The following LRRC38 variants were observed in gnomAD, a reference collection of about 807,000 sequenced individuals.
LRRC38 encodes leucine rich repeat containing 38.
In LRRC38, 5 loss-of-function variants were observed where a neutral mutation model predicts 16.4. That is an observed-to-expected ratio of 0.31 (90% confidence interval 0.16 to 0.64). The LOEUF (loss-of-function observed/expected upper bound fraction) is 0.64. Among genes scored for constraint, LRRC38 ranks in the 30% least tolerant of loss-of-function variants. The pLI is 0.80. For synonymous variants in LRRC38, 191 were observed against 190.2 expected (o/e 1.00, Z -0.04); for missense variants, 341 against 401.8 (o/e 0.85, Z 1.29).
At chr1:13,491,749 C>A (rs2100504152) in intron 1 of LRRC38, among the ~76,000 whole-genome samples, 1 of 152,234 alleles carries the variant, frequency 6.6e-6, no homozygotes, top group South Asian at 2.1e-4. Context: ...CATCTCGGCT[C>A]ACTGCAACCT....
At chr1:13,492,423 G>A (rs778957332) in intron 1 of LRRC38, among the ~76,000 whole-genome samples, 3 of 152,024 alleles carry the variant, frequency 2.0e-5, no homozygotes, top group Non-Finnish European at 2.9e-5. Context: ...ATTTTTGGCC[G>A]GGTGCGGTGG....
intron 1 of LRRC38, among the ~76,000 whole-genome samples, chr1:13,504,091 GTC>G (rs761642609): frequency 4.6e-4 from 70 of 152,330 alleles, no homozygotes; most frequent in Non-Finnish European, 8.4e-4. Context: ...TACGTATCTG[GTC>G]TGTTTGGCCA....
intron 1 of LRRC38, among the ~76,000 whole-genome samples, chr1:13,503,091 A>G (rs908510961): frequency 6.6e-6 from 1 of 151,642 alleles, no homozygotes; most frequent in Admixed American, 6.6e-5. Context: ...GGAGCCTCAG[A>G]CTCTTTCATC....
Position 13,513,046 on chromosome 1 carries a change from A to T in LRRC38, c.548T>A (p.Leu183Gln). ...GTCGCACAGCCAGGGGTTCCCGTCC[A>T]GACGCAGGGAGCGCAGCGCGGGCAG... ...AALPALRSLR[L>Q]DGNPWLCDCD... is the part of the protein sequence containing the mutation. The change falls in exon 1 of 2, where the codon CTG (leucine) becomes CAG (glutamine). Residue 183 changes from leucine to glutamine, a missense_variant. Physicochemically the swap from Leu to Gln is moderately radical, Grantham distance 113. Transcript: ENST00000376085. 6.5e-7 allele frequency: 1 copy of T among 1,549,680 alleles called. No individual in the cohort carries two copies. Among genetic ancestry groups the T allele is most frequent in the Non-Finnish European group, 8.7e-7 (1 of 1,146,658 alleles).
intron 1 of LRRC38, among the ~76,000 whole-genome samples, chr1:13,494,741 C>T (rs1639061541): frequency 6.6e-6 from 1 of 152,124 alleles, no homozygotes; most frequent in South Asian, 2.1e-4. Context: ...CTCACTAGTT[C>T]GCTGTGCGGC....
At chr1:13,497,962 C>CAAAAAA (rs370605050) in intron 1 of LRRC38, among the ~76,000 whole-genome samples, 137 of 67,994 alleles carry the variant, frequency 2.0e-3, no homozygotes, top group African/African-American at 3.2e-3. Context: ...AACTCCATCA[C>CAAAAAA]AAAAAAAAAA....
chr1:13,484,621 T>C lies in LRRC38; in HGVS notation c.632-8522A>G, dbSNP rs114723614. 5.5e-3 allele frequency among the ~76,000 whole-genome samples: 836 copies of C among 152,292 alleles called. 8 individuals are homozygous for C. The highest frequency in any genetic ancestry group is 0.019 in the African/African-American group (793 of 41,564). ...TCCCCCAAATTCACCAGCAGGTAACTTGCAACTCTCTGGAGTAGAGAGAAG... is the reference window on the plus strand; with the variant it reads ...TCCCCCAAATTCACCAGCAGGTAACCTGCAACTCTCTGGAGTAGAGAGAAG... On this transcript the variant is annotated intron_variant, in intron 1 of 1. Coordinates refer to ENST00000376085, the MANE Select transcript of LRRC38 (RefSeq NM_001010847.2).
At chr1:13,493,878 T>C (rs576262309) in intron 1 of LRRC38, among the ~76,000 whole-genome samples, 4 of 152,168 alleles carry the variant, frequency 2.6e-5, no homozygotes, top group Non-Finnish European at 5.9e-5. Context: ...ACCTGCCCAA[T>C]ATGGTGAAAC....
rs185907871 is a variant in LRRC38 at position 13,480,332 on chromosome 1, C to T, written c.632-4233G>A. 9.9e-5 allele frequency among the ~76,000 whole-genome samples: 15 copies of T among 151,490 alleles called. No individual in the cohort carries two copies. In the East Asian group the frequency reaches 2.2e-3, roughly 22 times the overall value. On this transcript the variant is annotated intron_variant, in intron 1 of 1. Transcript: ENST00000376085. ...TGCACTCCAGCCTGGGTAATAAGAG[C>T]GAAACTCTGTCTAAAAAATAAACAA... is the stretch of plus-strand genomic sequence containing the variant.
Position 13,476,224 on chromosome 1 carries a change from A to G in LRRC38, c.632-125T>C, listed in dbSNP as rs190906692. 249 of 865,482 alleles carry G rather than the reference A, an allele frequency of 2.9e-4. 1 individual carries two copies. The East Asian group carries it at 6.3e-3, about 22-fold the overall frequency. 53.6% of individuals were successfully genotyped at this position (865,482 alleles called of 1,614,324 possible). A position where few individuals can be genotyped will look rare whatever the true frequency, so the allele number is the denominator to read the frequency against. ...CATCCTCCCAAAAATAAAAGGGGGG[A>G]AAAGGCTAATTTAAATGGAATTTAA... On this transcript the variant is annotated intron_variant, in intron 1 of 1. Coordinates refer to ENST00000376085, the MANE Select transcript of LRRC38 (RefSeq NM_001010847.2).
At chr1:13,499,147 A>G (rs1569931093) in intron 1 of LRRC38, among the ~76,000 whole-genome samples, 1 of 152,066 alleles carries the variant, frequency 6.6e-6, no homozygotes, top group African/African-American at 2.4e-5. Flanking sequence ...CCCAGGCTGG[A>G]GTACAGTGGC....
chr1:13,511,513 G>C (rs1415216031), intron 1 of LRRC38, among the ~76,000 whole-genome samples: 1 of 152,060 alleles, frequency 6.6e-6, no homozygotes, highest in Non-Finnish European at 1.5e-5. Context: ...CACAGCTCCT[G>C]ACTTCATAAA....
At chr1:13,483,571 A>G (rs1462718158) in intron 1 of LRRC38, among the ~76,000 whole-genome samples, 1 of 152,084 alleles carries the variant, frequency 6.6e-6, no homozygotes, top group Non-Finnish European at 1.5e-5. Flanking sequence ...GCTTCTGGAC[A>G]CCCTTGTCAG....
rs1368449724 is a variant in LRRC38, at chr1:13,487,293, A to G, written c.632-11194T>C. ...TGTCCTAACTGTCAGCCTTTGTCCC[A>G]CAGCCACAAATCATTTAACTGGGTC... On this transcript the variant is annotated intron_variant, in intron 1 of 1. Transcript: ENST00000376085. This position sits in a 1 kb window ranked among gnomAD's most constrained non-coding sequence, Gnocchi z 4.4. Among the ~76,000 whole-genome samples the G allele has an allele frequency of 1.3e-5, 2 of 152,188 alleles. No individual in the cohort carries two copies. Among genetic ancestry groups the G allele is most frequent in the African/African-American group, 4.8e-5 (2 of 41,440 alleles).
intron 1 of LRRC38, among the ~76,000 whole-genome samples, chr1:13,482,023 A>G (rs1345045344): frequency 6.6e-6 from 1 of 152,188 alleles, no homozygotes; most frequent in Non-Finnish European, 1.5e-5. Context: ...GTAACCTTCT[A>G]AGACAGGCCT....
chr1:13,491,218 C>T (rs1485874911), intron 1 of LRRC38, among the ~76,000 whole-genome samples: 1 of 152,248 alleles, frequency 6.6e-6, no homozygotes, highest in African/African-American at 2.4e-5. Flanking sequence ...ACGTCCCACA[C>T]TGCACAAGAC....
chr1:13,480,383 C>G (rs116046639), intron 1 of LRRC38, among the ~76,000 whole-genome samples: 3,330 of 152,300 alleles, frequency 0.022, 51 homozygotes, highest in Non-Finnish European at 0.034. Flanking sequence ...TGCTACGTGT[C>G]CCCTGGGTGG....
At chr1:13,496,662 T>C (rs164869) in intron 1 of LRRC38, among the ~76,000 whole-genome samples, 4,093 of 152,014 alleles carry the variant, frequency 0.027, 141 homozygotes, top group Admixed American at 0.087. Context: ...CACATACGTA[T>C]GGAGCACCTA....
chr1:13,513,426 CA>C lies in LRRC38; in HGVS notation c.167del (p.Leu56ArgfsTer61), dbSNP rs1639300836. 2 of 1,550,280 alleles carry C rather than the reference CA, an allele frequency of 1.3e-6. No homozygotes were observed. The highest frequency in any genetic ancestry group is 1.7e-6 in the Non-Finnish European group (2 of 1,146,800). On this transcript the variant is annotated frameshift_variant, in exon 1 of 2. Coordinates refer to ENST00000376085, the MANE Select transcript of LRRC38 (RefSeq NM_001010847.2). LOFTEE classifies it high-confidence loss of function. ...CGGCCACCAGCAGCTTGCGCACGTC[CA>C]GGGGGAAAGGGTCTGGCACGCTGGG... Reference protein sequence around the residue: ...GLPSVPDPFPLDVRKLLVAGN... With the variant: ...GLPSVPDPFPXDVRKLLVAGN...
Sources: allele counts gnomAD v4.1 joint callset (sites outside exome capture counted in the v4.1 genomes callset), GRCh38; gene constraint gnomAD v4.1.1; non-coding constraint Gnocchi (gnomAD v3.1); transcripts MANE v1.5; gene names NCBI Gene and HGNC (gene_info 2026-07-23, HGNC 2026-07-21).